Variants in PAPOLA observed in about 807,000 individuals in gnomAD.
PAPOLA encodes poly(A) polymerase alpha.
Under a neutral mutation model 100.6 loss-of-function variants are expected in PAPOLA, and 15 were observed. That is an observed-to-expected ratio of 0.15 (90% CI 0.10 to 0.23). The LOEUF (loss-of-function observed/expected upper bound fraction) is 0.23. Ranked by LOEUF, PAPOLA falls within the 10% of genes least tolerant of loss-of-function variation. The pLI is 1.00. For synonymous variants in PAPOLA, 293 were observed against 300.0 expected (o/e 0.98, Z 0.24); for missense variants, 533 against 884.2 (o/e 0.60, Z 5.04).
At chr14:96,564,933 T>G in intron 21 of PAPOLA, 22 bp from the exon 22 acceptor site, 1 of 1,190,544 alleles carries the variant, frequency 8.4e-7, no homozygotes, top group Non-Finnish European at 1.3e-6. Context: ...AACAATGTTG[T>G]GTTCTTTGCT....
intron 3 of PAPOLA, among the ~76,000 whole-genome samples, chr14:96,524,864 C>G (rs1037897688): frequency 6.6e-6 from 1 of 152,096 alleles, no homozygotes; most frequent in Admixed American, 6.6e-5. Flanking sequence ...AAAAAATACT[C>G]TAATATGTTG....
At chr14:96,555,718 A>G (rs752150179) in intron 17 of PAPOLA, 129 bp from the exon 18 acceptor site, 44 of 488,338 alleles carry the variant, frequency 9.0e-5, no homozygotes, top group Non-Finnish European at 1.4e-4. Flanking sequence ...AATTGTATGT[A>G]TAGGAAGTAA....
chr14:96,562,910 G>A lies in PAPOLA; in HGVS notation c.2142+17G>A. Reference sequence around the variant, plus strand: ...GCCTCTCAGGTACTAAGTGCAAAAAGCAAGGAGAATTTTGTAAATGTCCTT... The same window carrying A: ...GCCTCTCAGGTACTAAGTGCAAAAAACAAGGAGAATTTTGTAAATGTCCTT... On this transcript the variant is annotated intron_variant, in intron 21 of 21. Coordinates refer to ENST00000216277, the MANE Select transcript of PAPOLA (RefSeq NM_032632.5). The A allele has an allele frequency of 6.5e-7, 1 of 1,537,898 alleles. No homozygotes were observed. Among genetic ancestry groups the A allele is most frequent in the Non-Finnish European group, 9.0e-7 (1 of 1,113,362 alleles).
In PAPOLA at chr14:96,566,045, G is replaced by A. The variant is rs1461542810; in HGVS notation, c.*995G>A. The A allele has an allele frequency of 1.0e-5, 4 of 396,354 alleles. No homozygotes were observed. Among genetic ancestry groups the A allele is most frequent in the Non-Finnish European group, 1.8e-5 (4 of 224,626 alleles). The allele number at this position is 396,354 out of a possible 1,614,324, so 24.6% of individuals were successfully genotyped here. ...TTGAGGGTGACTAAAAGTAATGCCTGTGAAACATGATATCTATCTGGGATG... is the reference window on the plus strand; with the variant it reads ...TTGAGGGTGACTAAAAGTAATGCCTATGAAACATGATATCTATCTGGGATG... On this transcript the variant is annotated 3_prime_UTR_variant, in exon 22 of 22. Transcript: ENST00000216277.
In PAPOLA at chr14:96,521,471, ATATTTATT is replaced by A. The variant is rs753585691; in HGVS notation, c.249+413_249+420del. Among the ~76,000 whole-genome samples, 426 of 152,172 alleles carry A rather than the reference ATATTTATT, an allele frequency of 2.8e-3. 1 individual carries two copies. The highest frequency in any genetic ancestry group is 2.9e-3 in the Non-Finnish European group (198 of 68,000). On this transcript the variant is annotated intron_variant, in intron 3 of 21. Transcript: ENST00000216277. Reference sequence around the variant, plus strand: ...GATTTTCAGGTATTATTCAAACTGAATATTTATTTATTTATTTATTTTTTATTTATTTT... The same window carrying A: ...GATTTTCAGGTATTATTCAAACTGAATATTTATTTATTTTTTATTTATTTT...
intron 1 of PAPOLA, among the ~76,000 whole-genome samples, chr14:96,516,321 T>TTTTC (rs749738262): frequency 6.6e-6 from 1 of 152,000 alleles, no homozygotes; most frequent in Non-Finnish European, 1.5e-5. Context: ...TAGTTTTTCC[T>TTTTC]TTTCTTTCTT....
intron 1 of PAPOLA, among the ~76,000 whole-genome samples, chr14:96,518,027 C>G (rs952740818): frequency 1.2e-4 from 18 of 152,108 alleles, no homozygotes; most frequent in African/African-American, 4.3e-4. Flanking sequence ...ATGCTTAATG[C>G]TGATGGGGAT....
At chr14:96,562,928 A>G (rs1425337589) in intron 21 of PAPOLA, 35 bp downstream of exon 21, 2 of 1,277,662 alleles carry the variant, frequency 1.6e-6, no homozygotes, top group African/African-American at 1.5e-5. Flanking sequence ...AATTTTGTAA[A>G]TGTCCTTAAG....
At chr14:96,519,281 T>A (rs1897743970) in intron 1 of PAPOLA, among the ~76,000 whole-genome samples, 1 of 152,110 alleles carries the variant, frequency 6.6e-6, no homozygotes, top group South Asian at 2.1e-4. Flanking sequence ...CGATCCAGAT[T>A]TTGGGTCTTT....
intron 3 of PAPOLA, among the ~76,000 whole-genome samples, chr14:96,521,801 C>T (rs1269435085): frequency 6.6e-6 from 1 of 151,778 alleles, no homozygotes; most frequent in Non-Finnish European, 1.5e-5. Flanking sequence ...TAATAACATT[C>T]TTTGGGTTTC....
intron 1 of PAPOLA, among the ~76,000 whole-genome samples, chr14:96,516,555 C>T (rs1043703448): frequency 6.6e-6 from 1 of 152,050 alleles, no homozygotes; most frequent in Non-Finnish European, 1.5e-5. Flanking sequence ...CCAGGCTGGT[C>T]TCAAATTCCT....
chr14:96,530,900 C>T (rs1410397198), intron 6 of PAPOLA, among the ~76,000 whole-genome samples: 4 of 151,808 alleles, frequency 2.6e-5, no homozygotes, highest in Non-Finnish European at 5.9e-5. Flanking sequence ...CCGCAACCTC[C>T]GCCTTCCAGG....
At chr14:96,539,676 GAC>G (rs1327696948) in intron 12 of PAPOLA, among the ~76,000 whole-genome samples, 1 of 152,090 alleles carries the variant, frequency 6.6e-6, no homozygotes, top group Non-Finnish European at 1.5e-5. Flanking sequence ...TCATAAACAT[GAC>G]AGTTTTAAAC....
chr14:96,542,758 A>C lies in PAPOLA; in HGVS notation c.1170-16A>C. 1.3e-6 allele frequency: 2 copies of C among 1,585,448 alleles called. No individual in the cohort carries two copies. Among genetic ancestry groups the C allele is most frequent in the Non-Finnish European group, 1.7e-6 (2 of 1,173,010 alleles). The stretch of plus-strand genomic sequence containing the variant: ...TAACCAAAACTTTTTGTTAATACTA[A>C]GTGACATTTGTTCAGGGTGGGCTTG... On this transcript the variant is annotated splice_polypyrimidine_tract_variant and intron_variant, in intron 13 of 21. Transcript: ENST00000216277.
intron 1 of PAPOLA, among the ~76,000 whole-genome samples, chr14:96,510,413 A>G (rs1897029384): frequency 6.9e-6 from 1 of 145,168 alleles, no homozygotes; most frequent in Non-Finnish European, 1.5e-5. Context: ...GCAGTGTACA[A>G]TTTGGCTTTT....
At chr14:96,540,567 T>C (rs1036889869) in intron 12 of PAPOLA, among the ~76,000 whole-genome samples, 2 of 152,170 alleles carry the variant, frequency 1.3e-5, no homozygotes, top group Non-Finnish European at 2.9e-5. Flanking sequence ...TTTTAATGCT[T>C]TTATATGACT....
chr14:96,534,378 C>G, intron 9 of PAPOLA, 113 bp from the exon 10 acceptor site: 2 of 1,519,526 alleles, frequency 1.3e-6, no homozygotes, highest in Non-Finnish European at 1.8e-6. Flanking sequence ...GTTGTATGTA[C>G]CAAGAAGGCA....
chr14:96,515,832 G>A (rs921126987), intron 1 of PAPOLA, among the ~76,000 whole-genome samples: 1 of 152,178 alleles, frequency 6.6e-6, no homozygotes, highest in African/African-American at 2.4e-5. Context: ...GTAGAATAGT[G>A]TCTGAAGAAA....
chr14:96,556,435 T>C, intron 19 of PAPOLA, 22 bp downstream of exon 19: 1 of 1,466,812 alleles, frequency 6.8e-7, no homozygotes, highest in Non-Finnish European at 9.5e-7. Context: ...AAAAACATAT[T>C]AGTTAGCCAT....
Sources: allele counts gnomAD v4.1 joint callset (sites outside exome capture counted in the v4.1 genomes callset), GRCh38; gene constraint gnomAD v4.1.1; transcripts MANE v1.5; gene names NCBI Gene and HGNC (gene_info 2026-07-23, HGNC 2026-07-21).